The following R3HCC1L variants were observed in gnomAD, a reference collection of about 807,000 sequenced individuals.
R3HCC1L encodes coiled-coil domain-containing protein R3HCC1L.
R3HCC1L carries 51 observed loss-of-function variants against 59.9 expected under a neutral mutation model. That is an observed-to-expected ratio of 0.85 (90% CI 0.68 to 1.07). R3HCC1L has a LOEUF of 1.07. Among genes scored for constraint, R3HCC1L ranks in the 50% least tolerant of loss-of-function variants. The probability of loss-of-function intolerance (pLI) is 0.00; values close to 1 mark genes in which losing one functional copy is unlikely to be tolerated. For missense variants in R3HCC1L, 965 were observed against 933.0 expected, an observed-to-expected ratio of 1.03 and a Z score of -0.45; for synonymous variants, 322 against 315.2, an observed-to-expected ratio of 1.02 and a Z score of -0.23.
intron 5 of R3HCC1L, among the ~76,000 whole-genome samples, chr10:98,222,554 A>G (rs1347263656): frequency 1.3e-5 from 2 of 151,928 alleles, no homozygotes; most frequent in African/African-American, 4.8e-5. Context: ...AATACGTCCC[A>G]TCAATACCTA....
chr10:98,235,998 C>T (rs1168918738), intron 8 of R3HCC1L, 26 bp from the exon 9 acceptor site: 1 of 1,606,362 alleles, frequency 6.2e-7, no homozygotes, highest in Non-Finnish European at 8.5e-7. Flanking sequence ...TGACTCCTTC[C>T]TACTCCCTTC....
chr10:98,191,277 A>G (rs1285951929), intron 4 of R3HCC1L, among the ~76,000 whole-genome samples: 2 of 152,196 alleles, frequency 1.3e-5, no homozygotes, highest in African/African-American at 4.8e-5. Context: ...CCAACAGTGT[A>G]AAAGCATTCC....
At chr10:98,148,435 G>T (rs1028088121) in intron 1 of R3HCC1L, among the ~76,000 whole-genome samples, 1 of 152,108 alleles carries the variant, frequency 6.6e-6, no homozygotes, top group Non-Finnish European at 1.5e-5. Flanking sequence ...GAATAAAAGT[G>T]GTAAATGTGG....
chr10:98,224,364 A>G (rs1239884652), intron 5 of R3HCC1L, among the ~76,000 whole-genome samples: 1 of 152,190 alleles, frequency 6.6e-6, no homozygotes, highest in Non-Finnish European at 1.5e-5. Flanking sequence ...ACAGAAAACA[A>G]AAAATAAAAA....
At chr10:98,152,436 C>T (rs1241695649) in intron 1 of R3HCC1L, among the ~76,000 whole-genome samples, 2 of 145,964 alleles carry the variant, frequency 1.4e-5, no homozygotes, top group African/African-American at 5.0e-5. Flanking sequence ...GTGAGGAGCC[C>T]CTCTGCTCGG....
intron 5 of R3HCC1L, chr10:98,211,413 T>A: frequency 8.8e-6 from 13 of 1,484,022 alleles, no homozygotes; most frequent in Non-Finnish European, 1.1e-5. Flanking sequence ...AGCCCATAAT[T>A]AGAAAAATAC....
At chr10:98,168,544 A>T (rs935032637) in intron 4 of R3HCC1L, among the ~76,000 whole-genome samples, 6 of 152,070 alleles carry the variant, frequency 3.9e-5, no homozygotes, top group African/African-American at 1.4e-4. Flanking sequence ...TGTATCTTGT[A>T]TCTTTTGTTG....
At chr10:98,171,073 A>G (rs190238479) in intron 4 of R3HCC1L, among the ~76,000 whole-genome samples, 9 of 152,190 alleles carry the variant, frequency 5.9e-5, no homozygotes, top group Middle Eastern at 3.2e-3. Context: ...AGGCATGCAC[A>G]CAACACTTAA....
chr10:98,135,409 A>G (rs1264742757), intron 1 of R3HCC1L, among the ~76,000 whole-genome samples: 2 of 152,078 alleles, frequency 1.3e-5, no homozygotes, highest in African/African-American at 4.8e-5. Context: ...AAGTGGGGTT[A>G]ATGTTCTTTG....
intron 5 of R3HCC1L, among the ~76,000 whole-genome samples, chr10:98,211,595 A>G (rs1853583008): frequency 6.6e-6 from 1 of 152,166 alleles, no homozygotes; most frequent in Non-Finnish European, 1.5e-5. Flanking sequence ...GAATAGAGAG[A>G]GCACATGAAC....
Position 98,234,445 on chromosome 10 carries a change from G to C in R3HCC1L, c.1962-1G>C. The C allele has an allele frequency of 6.2e-7, 1 of 1,612,024 alleles. No individual in the cohort carries two copies. The highest frequency in any genetic ancestry group is 8.5e-7 in the Non-Finnish European group (1 of 1,179,210). On this transcript the variant is annotated splice_acceptor_variant, in intron 6 of 9. Coordinates refer to ENST00000298999, the MANE Select transcript of R3HCC1L (RefSeq NM_001351015.2). LOFTEE classifies it high-confidence loss of function. ...AATAAAATTGTTTTTTTGTGTTGCA[G>C]AAAGAAAGGATTTGATATTAAATGG... is the stretch of plus-strand genomic sequence containing the variant.
chr10:98,204,462 T>A (rs1490015557), intron 4 of R3HCC1L, among the ~76,000 whole-genome samples: 1 of 151,964 alleles, frequency 6.6e-6, no homozygotes, highest in African/African-American at 2.4e-5. Context: ...AGTAGCAGGA[T>A]GGGAAAAGTT....
intron 4 of R3HCC1L, among the ~76,000 whole-genome samples, chr10:98,201,733 C>T (rs1362468946): frequency 1.3e-5 from 2 of 152,170 alleles, no homozygotes; most frequent in Admixed American, 6.5e-5. Flanking sequence ...AACTATATGA[C>T]TTTGTCAGAG....
At chr10:98,224,203 C>T (rs1298077087) in intron 5 of R3HCC1L, among the ~76,000 whole-genome samples, 1 of 152,012 alleles carries the variant, frequency 6.6e-6, no homozygotes, top group Non-Finnish European at 1.5e-5. Flanking sequence ...CTTTCAGGTT[C>T]CCCTCATGGT....
At chr10:98,152,372 C>T (rs1200412263) in intron 1 of R3HCC1L, among the ~76,000 whole-genome samples, 2 of 151,440 alleles carry the variant, frequency 1.3e-5, no homozygotes, top group Non-Finnish European at 3.0e-5. Flanking sequence ...GCCCGGCCGC[C>T]ACCCCGTCTG....
intron 9 of R3HCC1L, among the ~76,000 whole-genome samples, chr10:98,241,957 A>G (rs1390969184): frequency 1.3e-5 from 2 of 151,912 alleles, no homozygotes; most frequent in Non-Finnish European, 1.5e-5. Flanking sequence ...CATTTTCACT[A>G]TTTCTTTGTG....
chr10:98,180,967 G>A (rs188539704), intron 4 of R3HCC1L, among the ~76,000 whole-genome samples: 3 of 152,240 alleles, frequency 2.0e-5, no homozygotes, highest in African/African-American at 7.2e-5. Flanking sequence ...TGGGTCTCCT[G>A]AATACAGCAC....
chr10:98,206,562 ATCC>A (rs1209347599), intron 4 of R3HCC1L, among the ~76,000 whole-genome samples: 4 of 151,354 alleles, frequency 2.6e-5, no homozygotes, highest in African/African-American at 4.8e-5. Context: ...GGGCTATATA[ATCC>A]TCCTTTAACT....
chr10:98,180,801 T>A (rs184564332), intron 4 of R3HCC1L, among the ~76,000 whole-genome samples: 1 of 152,352 alleles, frequency 6.6e-6, no homozygotes, highest in East Asian at 1.9e-4. Context: ...TTTACCATTA[T>A]GTAATGGCCT....
Sources: allele counts gnomAD v4.1 joint callset (sites outside exome capture counted in the v4.1 genomes callset), GRCh38; gene constraint gnomAD v4.1.1; transcripts MANE v1.5; gene names NCBI Gene and HGNC (gene_info 2026-07-23, HGNC 2026-07-21).